The following EPHA7 variants were observed in gnomAD, a reference collection of about 807,000 sequenced individuals.
EPHA7 encodes the protein ephrin type-A receptor 7.
Under a neutral mutation model 112.6 loss-of-function variants are expected in EPHA7, and 25 were observed. The observed-to-expected ratio is 0.22, with a 90% confidence interval of 0.16 to 0.31. The LOEUF is 0.31. Ranked by LOEUF, EPHA7 falls within the 10% of genes least tolerant of loss-of-function variation. The probability of loss-of-function intolerance (pLI) is 1.00; values close to 1 mark genes in which losing one functional copy is unlikely to be tolerated. For missense variants in EPHA7, 962 were observed against 1,212.6 expected, an observed-to-expected ratio of 0.79 and a Z score of 3.07; for synonymous variants, 437 against 406.5, an observed-to-expected ratio of 1.07 and a Z score of -0.90.
Position 93,410,413 on chromosome 6 carries a change from A to G in EPHA7, c.832+88T>C, listed in dbSNP as rs2127994153. 3.3e-6 allele frequency: 4 copies of G among 1,212,148 alleles called. No homozygotes were observed. In the East Asian group the frequency reaches 9.4e-5, roughly 28 times the overall value. The allele number at this position is 1,212,148 out of a possible 1,614,324, so 75.1% of individuals were successfully genotyped here. A position where few individuals can be genotyped will look rare whatever the true frequency, so the allele number is the denominator to read the frequency against. On this transcript the variant is annotated intron_variant, in intron 3 of 16. Transcript: ENST00000369303. This position sits in a 1 kb window ranked among gnomAD's most constrained non-coding sequence, Gnocchi z 4.0. Reference sequence around the variant, plus strand: ...TGCGCTTCTGGTACAGAGCAGATTCACGTATTCAAATAACTATTAAAGTTT... The same window carrying G: ...TGCGCTTCTGGTACAGAGCAGATTCGCGTATTCAAATAACTATTAAAGTTT...
At chr6:93,409,501 T>A (rs941881622) in intron 3 of EPHA7, among the ~76,000 whole-genome samples, 5 of 152,074 alleles carry the variant, frequency 3.3e-5, no homozygotes, top group African/African-American at 7.2e-5. Flanking sequence ...GAAAAATTAG[T>A]TATAATAGTT....
chr6:93,369,739 A>C (rs1463175505), intron 3 of EPHA7, among the ~76,000 whole-genome samples: 1 of 152,192 alleles, frequency 6.6e-6, no homozygotes, highest in Non-Finnish European at 1.5e-5. Flanking sequence ...GGATTCCCAA[A>C]GCCTAGCACA....
intron 5 of EPHA7, among the ~76,000 whole-genome samples, chr6:93,335,802 A>C (rs2127910924): frequency 6.6e-6 from 1 of 152,182 alleles, no homozygotes; most frequent in Admixed American, 6.6e-5. Context: ...ATTTTGTGAA[A>C]ATTTAAATAG....
intron 5 of EPHA7, among the ~76,000 whole-genome samples, chr6:93,353,190 T>C (rs1159856610): frequency 6.6e-6 from 1 of 152,142 alleles, no homozygotes; most frequent in Admixed American, 6.6e-5. Context: ...CCCCTACTTC[T>C]ATATTTTAAA....
At chr6:93,368,661 A>C (rs1332506983) in intron 3 of EPHA7, among the ~76,000 whole-genome samples, 1 of 152,192 alleles carries the variant, frequency 6.6e-6, no homozygotes, top group Admixed American at 6.5e-5. Flanking sequence ...ACAGCTAAAA[A>C]GAAGATAATT....
At chr6:93,296,442 AAT>A (rs1163668149) in intron 5 of EPHA7, among the ~76,000 whole-genome samples, 5 of 87,978 alleles carry the variant, frequency 5.7e-5, no homozygotes, top group Admixed American at 2.5e-4. Flanking sequence ...AAAATATATA[AAT>A]ATATATATAA....
chr6:93,275,171 A>C (rs955174834), intron 5 of EPHA7, among the ~76,000 whole-genome samples: 3 of 151,826 alleles, frequency 2.0e-5, no homozygotes, highest in Non-Finnish European at 4.4e-5. Context: ...TGAATATACA[A>C]ATGAATTAAA....
intron 3 of EPHA7, among the ~76,000 whole-genome samples, chr6:93,369,574 T>G (rs1348614863): frequency 6.6e-6 from 1 of 152,172 alleles, no homozygotes; most frequent in Non-Finnish European, 1.5e-5. Context: ...TCCTCCATCT[T>G]TTCTGAGCTC....
intron 14 of EPHA7, among the ~76,000 whole-genome samples, chr6:93,251,739 T>C (rs562160327): frequency 1.3e-5 from 2 of 152,106 alleles, no homozygotes; most frequent in South Asian, 4.1e-4. Flanking sequence ...ACCAAAAGGA[T>C]ATTTTCAATT....
chr6:93,335,321 C>A (rs1774811867), intron 5 of EPHA7, among the ~76,000 whole-genome samples: 1 of 151,924 alleles, frequency 6.6e-6, no homozygotes, highest in African/African-American at 2.4e-5. Context: ...TAATGTAAAA[C>A]ATAATCATCA....
At chr6:93,334,310 A>G (rs1774748579) in intron 5 of EPHA7, among the ~76,000 whole-genome samples, 1 of 152,000 alleles carries the variant, frequency 6.6e-6, no homozygotes, top group East Asian at 1.9e-4. Context: ...AAGATAACCT[A>G]AGAAATACCA....
intron 14 of EPHA7, among the ~76,000 whole-genome samples, chr6:93,253,919 A>G (rs1215436532): frequency 6.6e-6 from 1 of 152,088 alleles, no homozygotes; most frequent in African/African-American, 2.4e-5. Context: ...ACCTAATAAA[A>G]GCAACTTTTT....
At chr6:93,375,363 C>T (rs1024799165) in intron 3 of EPHA7, among the ~76,000 whole-genome samples, 2 of 151,988 alleles carry the variant, frequency 1.3e-5, no homozygotes, top group African/African-American at 2.4e-5. Context: ...CACCTGTAAT[C>T]CCAGCACTTT....
chr6:93,360,526 C>A (rs1000452469), intron 3 of EPHA7, among the ~76,000 whole-genome samples: 8 of 152,010 alleles, frequency 5.3e-5, no homozygotes, highest in African/African-American at 1.4e-4. Context: ...GGGACAATGG[C>A]AACACGATTT....
chr6:93,290,046 T>C (rs1359542032), intron 5 of EPHA7, among the ~76,000 whole-genome samples: 1 of 152,166 alleles, frequency 6.6e-6, no homozygotes, highest in South Asian at 2.1e-4. Flanking sequence ...TAATTTTCCA[T>C]GTAATAAAAT....
chr6:93,246,620 G>T (rs536171626), intron 15 of EPHA7, among the ~76,000 whole-genome samples, 172 bp downstream of exon 15: 1 of 152,144 alleles, frequency 6.6e-6, no homozygotes, highest in East Asian at 1.9e-4. Context: ...CACTAATTAA[G>T]GTAAGCCTAA....
intron 5 of EPHA7, among the ~76,000 whole-genome samples, chr6:93,296,812 T>G (rs1269472930): frequency 6.6e-6 from 1 of 151,898 alleles, no homozygotes; most frequent in Non-Finnish European, 1.5e-5. Flanking sequence ...AACCAAGTAG[T>G]AATTACTTTT....
intron 5 of EPHA7, among the ~76,000 whole-genome samples, chr6:93,298,392 CAT>C (rs1204412288): frequency 6.6e-6 from 1 of 151,956 alleles, no homozygotes; most frequent in Non-Finnish European, 1.5e-5. Flanking sequence ...TTTCAAACAT[CAT>C]ATCAGAGCCA....
At chr6:93,267,118 G>C (rs1770981004) in intron 7 of EPHA7, among the ~76,000 whole-genome samples, 2 of 151,664 alleles carry the variant, frequency 1.3e-5, no homozygotes. Context: ...TGTTTTTAAA[G>C]TTTCCATTTT....
Sources: allele counts gnomAD v4.1 joint callset (sites outside exome capture counted in the v4.1 genomes callset), GRCh38; gene constraint gnomAD v4.1.1; non-coding constraint Gnocchi (gnomAD v3.1); transcripts MANE v1.5; gene names NCBI Gene and HGNC (gene_info 2026-07-23, HGNC 2026-07-21).